The following SOHLH2 variants were observed in gnomAD, a reference collection of about 807,000 sequenced individuals.
The protein encoded by SOHLH2 is spermatogenesis and oogenesis specific basic helix-loop-helix 2, also known as spermatogenesis- and oogenesis-specific basic helix-loop-helix-containing protein 2.
Under a neutral mutation model 50.4 loss-of-function variants are expected in SOHLH2, and 22 were observed. The ratio of observed to expected loss-of-function variants is 0.44; its 90% confidence interval spans 0.31 to 0.62. SOHLH2 has a LOEUF of 0.62. SOHLH2 is among the 20% of genes least tolerant of loss of function. The probability of loss-of-function intolerance (pLI) is 0.08; values close to 1 mark genes in which losing one functional copy is unlikely to be tolerated. For synonymous variants in SOHLH2, 185 were observed against 187.3 expected (o/e 0.99, Z 0.10); for missense variants, 412 against 504.4 (o/e 0.82, Z 1.76).
At chr13:36,211,532 T>C (rs1566048927) in intron 1 of SOHLH2, among the ~76,000 whole-genome samples, 2 of 152,206 alleles carry the variant, frequency 1.3e-5, no homozygotes, top group African/African-American at 2.4e-5. Context: ...ATCCTTGGAA[T>C]ATAGGAAGAA....
At chr13:36,189,873 CA>C in intron 6 of SOHLH2, 72 bp downstream of exon 6, 1 of 1,392,744 alleles carries the variant, frequency 7.2e-7, no homozygotes. Context: ...AATAATACTA[CA>C]AAAAATTATA....
chr13:36,169,052 T>C lies in SOHLH2; in HGVS notation c.1260A>G (p.Gln420=). The change falls in exon 11 of 11, where the codon CAA becomes CAG. Residue 420 remains glutamine, a splice_region_variant and synonymous_variant. Transcript: ENST00000379881. ...QTCTTHPNCL[Q]QFWAY is the part of the protein sequence containing the mutation. Reference sequence around the variant, plus strand: ...TGTGCTTTTAATACGCCCAAAACTGTTGCTGCAAAGAAGGGGGAAAAACCC... The same window carrying C: ...TGTGCTTTTAATACGCCCAAAACTGCTGCTGCAAAGAAGGGGGAAAAACCC... 3 of 1,607,294 alleles carry C rather than the reference T, an allele frequency of 1.9e-6. No homozygotes were observed. The highest frequency in any genetic ancestry group is 2.5e-6 in the Non-Finnish European group (3 of 1,177,974).
intron 2 of SOHLH2, 36 bp downstream of exon 2, chr13:36,201,843 T>G (rs1868439680): frequency 6.2e-7 from 1 of 1,605,300 alleles, no homozygotes; most frequent in South Asian, 1.1e-5. Context: ...AAAAAAATGA[T>G]TCTAAAGATA....
chr13:36,181,215 G>T (rs1004243856), intron 6 of SOHLH2, among the ~76,000 whole-genome samples: 1 of 151,890 alleles, frequency 6.6e-6, no homozygotes, highest in African/African-American at 2.4e-5. Context: ...TTCCACAATG[G>T]ATATATTTCT....
At chr13:36,209,938 G>A (rs1210033918) in intron 1 of SOHLH2, among the ~76,000 whole-genome samples, 1 of 152,156 alleles carries the variant, frequency 6.6e-6, no homozygotes, top group Non-Finnish European at 1.5e-5. Context: ...AGCAAAGGCT[G>A]GAGAGCAGAA....
At chr13:36,200,998 G>A (rs1337019712) in intron 2 of SOHLH2, among the ~76,000 whole-genome samples, 1 of 142,696 alleles carries the variant, frequency 7.0e-6, no homozygotes, top group Non-Finnish European at 1.5e-5. Context: ...GCAGTGAGCC[G>A]AGATGGCGCC....
intron 6 of SOHLH2, among the ~76,000 whole-genome samples, chr13:36,180,044 G>A (rs540908913): frequency 6.6e-6 from 1 of 152,064 alleles, no homozygotes; most frequent in African/African-American, 2.4e-5. Context: ...CTTTGGTAAG[G>A]TTTTGATAAC....
chr13:36,202,603 A>G (rs1868492064), intron 1 of SOHLH2, among the ~76,000 whole-genome samples: 1 of 152,248 alleles, frequency 6.6e-6, no homozygotes, highest in Non-Finnish European at 1.5e-5. Context: ...CCTCAATATT[A>G]GGAACCAAAA....
chr13:36,170,257 T>C (rs78351393), intron 10 of SOHLH2, among the ~76,000 whole-genome samples: 5,300 of 152,238 alleles, frequency 0.035, 109 homozygotes, highest in South Asian at 0.11. Flanking sequence ...CAATCAGTGC[T>C]AGGGGAGATC....
intron 6 of SOHLH2, among the ~76,000 whole-genome samples, chr13:36,186,556 A>G (rs1212211589): frequency 6.6e-6 from 1 of 152,188 alleles, no homozygotes; most frequent in Non-Finnish European, 1.5e-5. Context: ...GTGGGACACT[A>G]TGGCAAAGCT....
intron 1 of SOHLH2, among the ~76,000 whole-genome samples, chr13:36,203,108 A>G (rs1312964459): frequency 6.6e-6 from 1 of 152,178 alleles, no homozygotes; most frequent in South Asian, 2.1e-4. Context: ...TTCCTTTACC[A>G]TCTCTCATAT....
intron 7 of SOHLH2, 33 bp downstream of exon 7, chr13:36,174,689 A>C (rs200933669): frequency 1.2e-4 from 187 of 1,591,860 alleles, no homozygotes; most frequent in Non-Finnish European, 1.4e-4. Flanking sequence ...CATGTCTATA[A>C]GGATAAAATT....
At chr13:36,211,474 T>G (rs1486315438) in intron 1 of SOHLH2, among the ~76,000 whole-genome samples, 1 of 152,258 alleles carries the variant, frequency 6.6e-6, no homozygotes, top group Non-Finnish European at 1.5e-5. Flanking sequence ...TCATGGGGCT[T>G]ACATTCTAAT....
At chr13:36,207,995 ATTC>A (rs1256953657) in intron 1 of SOHLH2, among the ~76,000 whole-genome samples, 1 of 152,096 alleles carries the variant, frequency 6.6e-6, no homozygotes, top group Non-Finnish European at 1.5e-5. Context: ...TCCTTTCCAC[ATTC>A]TTGTTTTCAG....
intron 6 of SOHLH2, among the ~76,000 whole-genome samples, chr13:36,181,746 C>G (rs1205322442): frequency 6.6e-6 from 1 of 152,088 alleles, no homozygotes; most frequent in Non-Finnish European, 1.5e-5. Flanking sequence ...TTTGTTTTTG[C>G]TCAGACATTT....
intron 6 of SOHLH2, among the ~76,000 whole-genome samples, chr13:36,180,345 A>G (rs1593939201): frequency 6.6e-6 from 1 of 152,136 alleles, no homozygotes; most frequent in Admixed American, 6.5e-5. Context: ...GCTTCCTAAG[A>G]TGGAACCTTA....
chr13:36,205,172 T>C (rs935709690), intron 1 of SOHLH2, among the ~76,000 whole-genome samples: 2 of 152,210 alleles, frequency 1.3e-5, no homozygotes, highest in Non-Finnish European at 2.9e-5. Flanking sequence ...TACATTTCCA[T>C]TGATTATTCT....
chr13:36,193,047 C>T (rs1317565989), intron 4 of SOHLH2, among the ~76,000 whole-genome samples: 4 of 152,118 alleles, frequency 2.6e-5, no homozygotes, highest in Non-Finnish European at 5.9e-5. Flanking sequence ...TAATTGGAGT[C>T]TGTCCTTTCA....
At chr13:36,173,620 C>T (rs1887021035) in intron 9 of SOHLH2, 72 bp downstream of exon 9, 1 of 1,572,988 alleles carries the variant, frequency 6.4e-7, no homozygotes, top group African/African-American at 1.3e-5. Flanking sequence ...GTGGTGAATG[C>T]ACAGGAGCCT....
Sources: gnomAD v4.1 joint callset for allele counts (sites outside exome capture counted in the v4.1 genomes callset) on GRCh38, gnomAD v4.1.1 for gene constraint, MANE v1.5 for transcripts, NCBI Gene and HGNC (gene_info 2026-07-23, HGNC 2026-07-21) for gene names.